Variants in GRM7 observed in about 807,000 individuals in gnomAD.
GRM7 encodes metabotropic glutamate receptor 7.
GRM7 carries 35 observed loss-of-function variants against 84.5 expected under a neutral mutation model. The observed-to-expected ratio is 0.41, with a 90% CI of 0.32 to 0.55. The LOEUF is 0.55. Ranked by LOEUF, GRM7 falls within the 20% of genes least tolerant of loss-of-function variation. The pLI is 0.19. For synonymous variants in GRM7, 487 were observed against 455.1 expected, an observed-to-expected ratio of 1.07 and a Z score of -0.89; for missense variants, 1,003 against 1,194.6, an observed-to-expected ratio of 0.84 and a Z score of 2.36.
chr3:7,407,697 A>G (rs1001720253), intron 4 of GRM7, among the ~76,000 whole-genome samples: 1 of 152,240 alleles, frequency 6.6e-6, no homozygotes. Flanking sequence ...ATTAAAAAGT[A>G]TAGTTTGATA....
intron 2 of GRM7, among the ~76,000 whole-genome samples, chr3:7,192,611 T>C (rs1695745509): frequency 6.6e-6 from 1 of 152,114 alleles, no homozygotes; most frequent in Non-Finnish European, 1.5e-5. Context: ...ATTGACGCTC[T>C]TCTCTCTCCT....
At chr3:7,435,924 C>CATCTCCTG (rs974389149) in intron 5 of GRM7, among the ~76,000 whole-genome samples, 1 of 145,184 alleles carries the variant, frequency 6.9e-6, no homozygotes, top group African/African-American at 2.6e-5. Flanking sequence ...GGATGGTCTC[C>CATCTCCTG]ATCTCCTGAC....
chr3:7,211,991 G>A (rs917162745), intron 2 of GRM7, among the ~76,000 whole-genome samples: 18 of 151,378 alleles, frequency 1.2e-4, no homozygotes, highest in Non-Finnish European at 1.8e-4. Flanking sequence ...TCCCTCAGGC[G>A]TAGCTCTTTC....
intron 4 of GRM7, among the ~76,000 whole-genome samples, chr3:7,368,272 G>A (rs1039264): frequency 0.39 from 59,820 of 151,792 alleles, 12,128 homozygotes; most frequent in East Asian, 0.58. Context: ...ATTAAAAAAT[G>A]AAGGCAATTT....
chr3:7,520,394 G>A (rs1048974103), intron 7 of GRM7: 1 of 152,004 alleles, frequency 6.6e-6, no homozygotes, highest in Non-Finnish European at 1.5e-5. Context: ...GCATATAAAA[G>A]TCCCATCTTG....
At chr3:6,993,513 A>T (rs904475369) in intron 1 of GRM7, among the ~76,000 whole-genome samples, 2 of 152,218 alleles carry the variant, frequency 1.3e-5, no homozygotes, top group African/African-American at 4.8e-5. Context: ...GTCTTAAGAG[A>T]GTGTAGAAGA....
At chr3:7,326,537 G>A (rs574419116) in intron 4 of GRM7, among the ~76,000 whole-genome samples, 66 of 152,210 alleles carry the variant, frequency 4.3e-4, no homozygotes, top group Non-Finnish European at 7.4e-4. Context: ...TTGAGCAGAA[G>A]CAAAGGACAT....
intron 7 of GRM7, among the ~76,000 whole-genome samples, chr3:7,464,156 A>G (rs1698366030): frequency 6.6e-6 from 1 of 152,162 alleles, no homozygotes; most frequent in Non-Finnish European, 1.5e-5. Context: ...TTTGCTTTTT[A>G]TCAGAAGTCA....
At chr3:7,169,643 G>T (rs1056724420) in intron 2 of GRM7, among the ~76,000 whole-genome samples, 4 of 152,200 alleles carry the variant, frequency 2.6e-5, no homozygotes, top group African/African-American at 7.2e-5. Flanking sequence ...TATGCTCCTT[G>T]GGGAGAGAGC....
intron 2 of GRM7, among the ~76,000 whole-genome samples, chr3:7,174,972 T>C (rs540374867): frequency 6.6e-6 from 1 of 152,312 alleles, no homozygotes; most frequent in South Asian, 2.1e-4. Context: ...AATGGTGTAA[T>C]ACATTAAATG....
chr3:7,466,822 T>C (rs1698478276), intron 7 of GRM7, among the ~76,000 whole-genome samples: 1 of 152,206 alleles, frequency 6.6e-6, no homozygotes, highest in African/African-American at 2.4e-5. Flanking sequence ...TTCTGAGGTA[T>C]ATGGGGTTTC....
intron 1 of GRM7, among the ~76,000 whole-genome samples, chr3:6,945,625 G>A (rs1480922817): frequency 5.3e-5 from 8 of 152,042 alleles, no homozygotes; most frequent in Non-Finnish European, 8.8e-5. Flanking sequence ...CTAGATCCCT[G>A]AGGAATCGCC....
At chr3:7,006,504 T>C (rs6807352) in intron 1 of GRM7, among the ~76,000 whole-genome samples, 2,464 of 152,320 alleles carry the variant, frequency 0.016, 43 homozygotes, top group Middle Eastern at 0.034. Context: ...TTTCCTTTTT[T>C]ACTCTGGCTG....
chr3:7,661,105 G>A (rs924960145), intron 8 of GRM7, among the ~76,000 whole-genome samples: 2 of 152,092 alleles, frequency 1.3e-5, no homozygotes, highest in Non-Finnish European at 2.9e-5. Context: ...CAGATTAACT[G>A]GACTTCATCG....
At chr3:7,289,163 C>T (rs1218850392) in intron 2 of GRM7, among the ~76,000 whole-genome samples, 1 of 152,110 alleles carries the variant, frequency 6.6e-6, no homozygotes, top group African/African-American at 2.4e-5. Context: ...GACTGCCAAG[C>T]CTGTTCAAAT....
At chr3:7,653,150 A>G (rs982199428) in intron 8 of GRM7, among the ~76,000 whole-genome samples, 5 of 141,714 alleles carry the variant, frequency 3.5e-5, no homozygotes, top group Non-Finnish European at 6.1e-5. Context: ...GTTATATTCT[A>G]TAGCACTTTC....
intron 1 of GRM7, among the ~76,000 whole-genome samples, chr3:7,127,558 C>T (rs1190704409): frequency 1.3e-5 from 2 of 152,070 alleles, no homozygotes; most frequent in Non-Finnish European, 2.9e-5. Context: ...TAGGATAATC[C>T]TTAGGATATA....
intron 7 of GRM7, among the ~76,000 whole-genome samples, chr3:7,473,545 A>G (rs1475613457): frequency 6.7e-6 from 1 of 149,656 alleles, no homozygotes; most frequent in Admixed American, 6.7e-5. Context: ...ACCTTGACAG[A>G]GTTTTTGTAA....
intron 1 of GRM7, among the ~76,000 whole-genome samples, chr3:6,893,700 A>G (rs937790669): frequency 6.6e-6 from 1 of 152,146 alleles, no homozygotes; most frequent in African/African-American, 2.4e-5. Context: ...TAACACCCAC[A>G]CAATTTATAT....
Sources: gnomAD v4.1 joint callset for allele counts (sites outside exome capture counted in the v4.1 genomes callset) on GRCh38, gnomAD v4.1.1 for gene constraint, MANE v1.5 for transcripts, NCBI Gene and HGNC (gene_info 2026-07-23, HGNC 2026-07-21) for gene names.